The following GPC5 variants were observed in gnomAD, a reference collection of about 807,000 sequenced individuals.
The protein encoded by GPC5 is glypican 5, also known as glypican-5.
In GPC5, 47 loss-of-function variants were observed where a neutral mutation model predicts 53.9. The observed-to-expected ratio is 0.87, with a 90% CI of 0.69 to 1.11. The LOEUF (loss-of-function observed/expected upper bound fraction) is 1.11. Ranked by LOEUF, GPC5 falls within the 50% of genes most tolerant of loss-of-function variation. The pLI is 0.00. For synonymous variants in GPC5, 286 were observed against 263.3 expected, an observed-to-expected ratio of 1.09 and a Z score of -0.84; for missense variants, 748 against 713.1, an observed-to-expected ratio of 1.05 and a Z score of -0.56.
chr13:92,284,962 G>T (rs1043821057), intron 7 of GPC5, among the ~76,000 whole-genome samples: 1 of 152,128 alleles, frequency 6.6e-6, no homozygotes, highest in Admixed American at 6.5e-5. Context: ...GTCCCTGTTT[G>T]CAGATGACAT....
intron 7 of GPC5, among the ~76,000 whole-genome samples, chr13:92,190,862 A>T (rs531246564): frequency 6.6e-6 from 1 of 152,252 alleles, no homozygotes; most frequent in Non-Finnish European, 1.5e-5. Flanking sequence ...GTTTTACTCC[A>T]ACTGTATCAA....
At chr13:92,164,965 C>G (rs2042016770) in intron 7 of GPC5, among the ~76,000 whole-genome samples, 1 of 152,224 alleles carries the variant, frequency 6.6e-6, no homozygotes. Context: ...ACGTTGGCCC[C>G]TTTTAGCCAC....
At chr13:92,431,390 CTTT>C (rs3064652) in intron 7 of GPC5, among the ~76,000 whole-genome samples, 1 of 137,336 alleles carries the variant, frequency 7.3e-6, no homozygotes. Context: ...AAAGACACAG[CTTT>C]TTTTTTTTTT....
At position 92,239,791 on chromosome 13, in the gene GPC5, G is replaced by A. The variant is rs550136162; in HGVS notation, c.1561+94802G>A. 2.4e-4 allele frequency: 8 copies of A among 33,280 alleles called. No homozygotes were observed. The Admixed American group carries it at 2.8e-3, about 11-fold the overall frequency. 2.1% of individuals were successfully genotyped at this position (33,280 alleles called of 1,614,324 possible). On this transcript the variant is annotated intron_variant, in intron 7 of 7. Transcript: ENST00000377067. ...GATATTCTAGGCTGGATTTCCACCTGCAAATGATTTGCTTTTATACATATT... is the reference window on the plus strand; with the variant it reads ...GATATTCTAGGCTGGATTTCCACCTACAAATGATTTGCTTTTATACATATT...
intron 7 of GPC5, among the ~76,000 whole-genome samples, chr13:92,647,371 C>T (rs12873905): frequency 0.56 from 84,685 of 151,926 alleles, 27,467 homozygotes; most frequent in Non-Finnish European, 0.75. Context: ...CCAGGTGCTT[C>T]GATGTCAGTG....
chr13:91,410,911 C>T (rs1341206900), intron 1 of GPC5, among the ~76,000 whole-genome samples: 1 of 151,982 alleles, frequency 6.6e-6, no homozygotes, highest in East Asian at 1.9e-4. Flanking sequence ...GAGATCGAGA[C>T]CATCCTGGCC....
At chr13:91,862,145 C>A (rs145940214) in intron 5 of GPC5, among the ~76,000 whole-genome samples, 3 of 152,056 alleles carry the variant, frequency 2.0e-5, no homozygotes, top group East Asian at 1.9e-4. Flanking sequence ...TCTAATTTGG[C>A]GTTTTGATTT....
intron 7 of GPC5, among the ~76,000 whole-genome samples, chr13:92,268,103 T>C (rs1375058292): frequency 2.2e-5 from 3 of 137,772 alleles, no homozygotes; most frequent in African/African-American, 5.8e-5. Context: ...TAAGGCACCT[T>C]AATTTCAGGA....
intron 4 of GPC5, among the ~76,000 whole-genome samples, chr13:91,740,180 G>A (rs2087408637): frequency 6.6e-6 from 1 of 152,118 alleles, no homozygotes; most frequent in Non-Finnish European, 1.5e-5. Flanking sequence ...CTTAGGCACT[G>A]CTTCTAGGGA....
At chr13:91,493,086 C>G (rs1374634036) in intron 2 of GPC5, among the ~76,000 whole-genome samples, 2 of 152,192 alleles carry the variant, frequency 1.3e-5, no homozygotes, top group Non-Finnish European at 2.9e-5. Flanking sequence ...TATCATCATC[C>G]TCTTCTTTTG....
intron 5 of GPC5, among the ~76,000 whole-genome samples, chr13:91,830,023 G>A (rs1264254449): frequency 5.9e-5 from 9 of 151,920 alleles, no homozygotes; most frequent in African/African-American, 1.2e-4. Flanking sequence ...GAGAGCAACC[G>A]GTCTGACCAA....
chr13:91,457,474 A>G (rs1476522345), intron 2 of GPC5, among the ~76,000 whole-genome samples: 1 of 152,146 alleles, frequency 6.6e-6, no homozygotes, highest in Non-Finnish European at 1.5e-5. Context: ...ATTATGTGGC[A>G]TATAGCACAT....
At chr13:91,641,740 A>G (rs1456871942) in intron 2 of GPC5, among the ~76,000 whole-genome samples, 1 of 152,246 alleles carries the variant, frequency 6.6e-6, no homozygotes, top group Non-Finnish European at 1.5e-5. Flanking sequence ...GGAGTTACCT[A>G]CAAGTTAGAG....
chr13:91,911,497 G>GA (rs2039610214), intron 6 of GPC5, among the ~76,000 whole-genome samples: 1 of 152,024 alleles, frequency 6.6e-6, no homozygotes, highest in Non-Finnish European at 1.5e-5. Context: ...GAGCCAAGAT[G>GA]GCACCACTGC....
chr13:92,631,796 G>A (rs1885248179), intron 7 of GPC5, among the ~76,000 whole-genome samples: 1 of 152,176 alleles, frequency 6.6e-6, no homozygotes, highest in Non-Finnish European at 1.5e-5. Context: ...CTAACCTCAT[G>A]CGATGTATCA....
intron 7 of GPC5, among the ~76,000 whole-genome samples, chr13:92,587,025 A>G (rs1203707942): frequency 6.6e-6 from 1 of 152,030 alleles, no homozygotes; most frequent in Non-Finnish European, 1.5e-5. Context: ...TTAATGAGCT[A>G]TTTTCTTCTT....
intron 7 of GPC5, among the ~76,000 whole-genome samples, chr13:92,652,263 T>C (rs891978973): frequency 2.0e-5 from 3 of 152,226 alleles, no homozygotes; most frequent in African/African-American, 7.2e-5. Flanking sequence ...TAATCCATTA[T>C]TCCCTTTCAT....
chr13:92,849,017 TCTCTC>T (rs1356381855), intron 7 of GPC5, among the ~76,000 whole-genome samples: 1 of 152,160 alleles, frequency 6.6e-6, no homozygotes, highest in Non-Finnish European at 1.5e-5. Flanking sequence ...ATATGAGTGT[TCTCTC>T]CTCACACACG....
chr13:92,532,569 A>G (rs1005854107), intron 7 of GPC5, among the ~76,000 whole-genome samples: 3 of 152,192 alleles, frequency 2.0e-5, no homozygotes, highest in South Asian at 2.1e-4. Flanking sequence ...GCTGGCACCA[A>G]TTCTTTTTTT....
Sources: allele counts gnomAD v4.1 joint callset (sites outside exome capture counted in the v4.1 genomes callset), GRCh38; gene constraint gnomAD v4.1.1; transcripts MANE v1.5; gene names NCBI Gene and HGNC (gene_info 2026-07-23, HGNC 2026-07-21).